The following MPP4 variants were observed in gnomAD, a reference collection of about 807,000 sequenced individuals.
MPP4 encodes MAGUK p55 subfamily member 4.
A neutral mutation model predicts 98.3 loss-of-function variants in MPP4; 91 were observed. The ratio of observed to expected loss-of-function variants is 0.93; its 90% CI spans 0.78 to 1.10. MPP4 has a LOEUF of 1.10. Among genes scored for constraint, MPP4 ranks in the 50% least tolerant of loss-of-function variants. The pLI, the probability that MPP4 is intolerant of heterozygous loss-of-function variation, is 0.00. For missense variants in MPP4, 744 were observed against 792.9 expected (o/e 0.94, Z 0.74); for synonymous variants, 261 against 271.8 (o/e 0.96, Z 0.39).
chr2:201,682,514 A>G (rs1340226004), intron 8 of MPP4, among the ~76,000 whole-genome samples: 2 of 152,210 alleles, frequency 1.3e-5, no homozygotes, highest in African/African-American at 4.8e-5. Flanking sequence ...TGTCCACCCC[A>G]GGTTCAGTTT....
At chr2:201,661,032 T>C (rs140855682) in intron 14 of MPP4, among the ~76,000 whole-genome samples, 1 of 152,258 alleles carries the variant, frequency 6.6e-6, no homozygotes, top group African/African-American at 2.4e-5. Context: ...GCAATTCTCT[T>C]GCCTCAACCT....
chr2:201,674,384 TGG>T (rs1688440014), intron 11 of MPP4, among the ~76,000 whole-genome samples: 2 of 152,232 alleles, frequency 1.3e-5, no homozygotes, highest in Admixed American at 1.3e-4. Flanking sequence ...GGACTTCAGA[TGG>T]CTGGCTGCCA....
At chr2:201,666,551 T>A in intron 12 of MPP4, 179 bp from the exon 13 acceptor site, 1 of 484,170 alleles carries the variant, frequency 2.1e-6, no homozygotes, top group Non-Finnish European at 3.6e-6. Context: ...TGAAACCATG[T>A]CTCTACCAAA....
chr2:201,655,175 C>A (rs1300318982), intron 17 of MPP4, among the ~76,000 whole-genome samples: 2 of 152,230 alleles, frequency 1.3e-5, no homozygotes, highest in African/African-American at 2.4e-5. Context: ...CCCCAGCAAA[C>A]TTCATCTAAT....
chr2:201,660,211 AAAC>A, intron 15 of MPP4, 118 bp downstream of exon 15: 1 of 997,496 alleles, frequency 1.0e-6, no homozygotes, highest in Non-Finnish European at 1.5e-6. Flanking sequence ...GGAAAACCAT[AAAC>A]AACAACAAAT....
At chr2:201,669,818 A>C in intron 11 of MPP4, 68 bp from the exon 12 acceptor site, 6 of 1,198,956 alleles carry the variant, frequency 5.0e-6, no homozygotes, top group Non-Finnish European at 6.5e-6. Flanking sequence ...ATATTTTCTC[A>C]GATTAATTTA....
intron 14 of MPP4, among the ~76,000 whole-genome samples, chr2:201,660,759 G>C (rs1003446000): frequency 1.3e-5 from 2 of 152,116 alleles, no homozygotes; most frequent in African/African-American, 4.8e-5. Flanking sequence ...TGGTGCTGCT[G>C]CTGGGTGCTG....
chr2:201,648,609 A>G (rs977540282), intron 20 of MPP4, among the ~76,000 whole-genome samples: 1 of 152,234 alleles, frequency 6.6e-6, no homozygotes, highest in Non-Finnish European at 1.5e-5. Flanking sequence ...GATTCTATAC[A>G]TGATCTCATA....
At position 201,695,470 on chromosome 2, in the gene MPP4, C is replaced by A. The variant is rs1216574825; in HGVS notation, c.-100-1416G>T. 4.7e-4 allele frequency among the ~76,000 whole-genome samples: 72 copies of A among 152,154 alleles called. 1 individual carries two copies. Among genetic ancestry groups the A allele is most frequent in the Admixed American group, 4.7e-3 (71 of 15,266 alleles). On this transcript the variant is annotated intron_variant, in intron 1 of 21. Coordinates refer to ENST00000409474, the MANE Select transcript of MPP4 (RefSeq NM_033066.3). ...ACGCCAACTTTTCTTTACATATAAA[C>A]ACAAGACACTTTTGCACTGGTTTAA...
At chr2:201,682,678 G>A (rs904242210) in intron 8 of MPP4, among the ~76,000 whole-genome samples, 153 bp downstream of exon 8, 1 of 152,194 alleles carries the variant, frequency 6.6e-6, no homozygotes, top group East Asian at 1.9e-4. Context: ...AGTGACATGG[G>A]TGACAGACAA....
At chr2:201,651,664 G>A in intron 18 of MPP4, 1 of 985,320 alleles carries the variant, frequency 1.0e-6, no homozygotes, top group Non-Finnish European at 1.2e-6. Flanking sequence ...TCGAAAAATG[G>A]TGATTTTGGC....
intron 14 of MPP4, among the ~76,000 whole-genome samples, chr2:201,663,328 T>C (rs906434044): frequency 6.6e-6 from 1 of 152,186 alleles, no homozygotes; most frequent in African/African-American, 2.4e-5. Context: ...AAAAAAATGC[T>C]CCCAAAAAGT....
At chr2:201,660,938 T>C (rs916919527) in intron 14 of MPP4, among the ~76,000 whole-genome samples, 2 of 152,178 alleles carry the variant, frequency 1.3e-5, no homozygotes, top group African/African-American at 2.4e-5. Flanking sequence ...TTGGTTTGTT[T>C]TGAGATGCAG....
intron 8 of MPP4, 69 bp from the exon 9 acceptor site, chr2:201,681,636 G>C (rs1688669108): frequency 3.5e-6 from 4 of 1,149,920 alleles, no homozygotes; most frequent in Non-Finnish European, 5.2e-6. Flanking sequence ...TCGGTGGACA[G>C]AGTTACAGTG....
rs11894207 is a variant in MPP4 at position 201,647,712 on chromosome 2, G to A, written c.1698C>T (p.Tyr566=). Residue 566 remains tyrosine, a synonymous_variant, in exon 21 of 22, where the codon TAC becomes TAT. Transcript: ENST00000409474. The stretch of plus-strand genomic sequence containing the variant: ...TTACCTTGAACTTCATGTCCACATA[G>A]TAGTCAGTAATAACCTTGGCATTTT... ...SRKNAKVITD[Y]YVDMKFKDED... The A allele has an allele frequency of 0.015, 24,115 of 1,613,560 alleles. 276 individuals are homozygous for A. Among genetic ancestry groups the A allele is most frequent in the East Asian group, 0.043 (1,937 of 44,850 alleles).
chr2:201,685,117 G>C lies in MPP4; in HGVS notation c.521C>G (p.Thr174Arg), dbSNP rs750862800. 6 of 1,611,656 alleles carry C rather than the reference G, an allele frequency of 3.7e-6. 1 individual carries two copies. In the South Asian group the frequency reaches 6.7e-5, roughly 18 times the overall value. The change falls in exon 7 of 22, where the codon ACA (threonine) becomes AGA (arginine). Residue 174 changes from threonine (T) to arginine (R), a missense_variant. By Grantham distance (71) the Thr-to-Arg change is moderately conservative. Coordinates refer to ENST00000409474, the MANE Select transcript of MPP4 (RefSeq NM_033066.3). ...LGATIKRHEMTGDILVARIIH... is the reference protein window; with the variant it reads ...LGATIKRHEMRGDILVARIIH... ...GATCCTGGCCACCAAGATGTCCCCT[G>C]TCATCTCGTGGCGCTTGATGGTGGC... is the stretch of plus-strand genomic sequence containing the variant.
At chr2:201,695,502 A>G (rs1000884026) in intron 1 of MPP4, among the ~76,000 whole-genome samples, 2 of 152,204 alleles carry the variant, frequency 1.3e-5, no homozygotes, top group African/African-American at 2.4e-5. Context: ...TTAATATACA[A>G]TGGGGAGTAG....
intron 13 of MPP4, chr2:201,665,258 G>A (rs1688143682): frequency 6.6e-6 from 1 of 151,862 alleles, no homozygotes; most frequent in South Asian, 2.1e-4. Flanking sequence ...TTTTAGTAGA[G>A]GCAGGGTTTC....
At chr2:201,655,436 T>C (rs926626773) in intron 17 of MPP4, among the ~76,000 whole-genome samples, 1 of 152,226 alleles carries the variant, frequency 6.6e-6, no homozygotes, top group African/African-American at 2.4e-5. Context: ...CTTAGAAGGA[T>C]ACTGTGCTTG....
Sources: allele counts gnomAD v4.1 joint callset (sites outside exome capture counted in the v4.1 genomes callset), GRCh38; gene constraint gnomAD v4.1.1; transcripts MANE v1.5; gene names NCBI Gene and HGNC (gene_info 2026-07-23, HGNC 2026-07-21).